CREB1: variants seen among roughly 807,000 people sequenced by gnomAD.
CREB1 encodes cyclic AMP-responsive element-binding protein 1.
CREB1 carries 2 observed loss-of-function variants against 42.0 expected under a neutral mutation model. That is an observed-to-expected ratio of 0.05 (90% CI 0.02 to 0.15). The LOEUF (loss-of-function observed/expected upper bound fraction) is 0.15, where lower values mean the gene tolerates loss of function less well. Ranked by LOEUF, CREB1 falls within the 10% of genes least tolerant of loss-of-function variation. CREB1 has a pLI of 1.00. For synonymous variants in CREB1, 123 were observed against 139.9 expected (o/e 0.88, Z 0.85); for missense variants, 199 against 388.9 (o/e 0.51, Z 4.11).
At chr2:207,531,668 C>T (rs931115457) in intron 1 of CREB1, among the ~76,000 whole-genome samples, 2 of 152,102 alleles carry the variant, frequency 1.3e-5, no homozygotes, top group African/African-American at 2.4e-5. Flanking sequence ...AGTAAAGCCC[C>T]GAACAGTTAT....
Position 207,605,511 on chromosome 2 carries a change from T to C in CREB1, c.*8453T>C, listed in dbSNP as rs1292496231. Among the ~76,000 whole-genome samples the C allele has an allele frequency of 6.6e-6, 1 of 152,180 alleles. No homozygotes were observed. Among genetic ancestry groups the C allele is most frequent in the African/African-American group, 2.4e-5 (1 of 41,410 alleles). On this transcript the variant is annotated 3_prime_UTR_variant, in exon 8 of 8. Coordinates refer to ENST00000353267, the MANE Select transcript of CREB1 (RefSeq NM_004379.5). ...TCATTGTTTTCAAACTTACTTTATGTAATATGTACACTTCTAAAAAAAAGA... is the reference window on the plus strand; with the variant it reads ...TCATTGTTTTCAAACTTACTTTATGCAATATGTACACTTCTAAAAAAAAGA...
intron 3 of CREB1, among the ~76,000 whole-genome samples, chr2:207,564,034 T>C (rs1574844829): frequency 6.6e-6 from 1 of 152,046 alleles, no homozygotes. Context: ...TTAAGAAATA[T>C]ATAAATTTTT....
chr2:207,567,763 A>AT (rs890064366), intron 4 of CREB1, 200 bp downstream of exon 4: 12,791 of 298,508 alleles, frequency 0.043, no homozygotes, highest in Middle Eastern at 0.062. Flanking sequence ...ACCAGTCCTA[A>AT]TTTTTTTTTT....
chr2:207,580,817 C>T, intron 7 of CREB1: 1 of 222,622 alleles, frequency 4.5e-6, no homozygotes, highest in Non-Finnish European at 9.0e-6. Flanking sequence ...CTGTGGCTCT[C>T]CTTCATGTGC....
chr2:207,555,616 ATAT>A lies in CREB1; in HGVS notation c.-8-5_-8-3del, dbSNP rs2081686619. 2 of 1,539,622 alleles carry A rather than the reference ATAT, an allele frequency of 1.3e-6. No homozygotes were observed. The highest frequency in any genetic ancestry group is 1.1e-5 in the South Asian group (1 of 88,784). On this transcript the variant is annotated splice_polypyrimidine_tract_variant and intron_variant, in intron 1 of 7. Coordinates refer to ENST00000353267, the MANE Select transcript of CREB1 (RefSeq NM_004379.5). Reference sequence around the variant, plus strand: ...ACTGTGGTGCTTGTAACACTCTTCCATATTATTATAGGTAACTAAATGACCATG... The same window carrying A: ...ACTGTGGTGCTTGTAACACTCTTCCATATTATAGGTAACTAAATGACCATG...
intron 3 of CREB1, among the ~76,000 whole-genome samples, chr2:207,564,149 T>C (rs1042103788): frequency 3.3e-5 from 5 of 152,154 alleles, no homozygotes; most frequent in Non-Finnish European, 5.9e-5. Context: ...TTTTTCTTAT[T>C]TATAAGAGAT....
intron 5 of CREB1, among the ~76,000 whole-genome samples, chr2:207,571,264 C>T (rs556874245): frequency 5.9e-5 from 9 of 152,068 alleles, no homozygotes; most frequent in Admixed American, 1.3e-4. Flanking sequence ...ATTCCCAGCA[C>T]TTTGGGAAGC....
At chr2:207,557,393 A>G (rs1003800296) in intron 2 of CREB1, among the ~76,000 whole-genome samples, 1 of 152,082 alleles carries the variant, frequency 6.6e-6, no homozygotes, top group African/African-American at 2.4e-5. Flanking sequence ...ATAAAAATTG[A>G]ATGTATGGGC....
intron 3 of CREB1, chr2:207,561,064 T>G: frequency 6.7e-7 from 1 of 1,492,886 alleles, no homozygotes; most frequent in Non-Finnish European, 9.3e-7. Context: ...GACTTGAACG[T>G]TCATTCAAGT....
At chr2:207,555,205 C>T (rs1175743906) in intron 1 of CREB1, among the ~76,000 whole-genome samples, 1 of 152,120 alleles carries the variant, frequency 6.6e-6, no homozygotes, top group Non-Finnish European at 1.5e-5. Context: ...ATTATGAAGC[C>T]AATATCTAAT....
chr2:207,581,125 G>T, intron 7 of CREB1: 2 of 212,642 alleles, frequency 9.4e-6, no homozygotes, highest in East Asian at 7.1e-5. Context: ...CAAAGGAAAA[G>T]GTTAAATGGA....
chr2:207,546,579 T>C (rs56132988), intron 1 of CREB1, among the ~76,000 whole-genome samples: 6,121 of 152,088 alleles, frequency 0.04, 164 homozygotes, highest in African/African-American at 0.07. Context: ...ATAAAAAAAT[T>C]AGCTGGCTGT....
rs1487169316 is a variant in CREB1 at position 207,604,466 on chromosome 2, A to G, written c.*7408A>G. 3.2e-5 allele frequency among the ~76,000 whole-genome samples: 4 copies of G among 125,810 alleles called. No homozygotes were observed. In the Admixed American group the frequency reaches 3.6e-4, roughly 11 times the overall value. 82.5% of individuals were successfully genotyped at this position (125,810 alleles called of 152,430 possible). On this transcript the variant is annotated 3_prime_UTR_variant, in exon 8 of 8. Coordinates refer to ENST00000353267, the MANE Select transcript of CREB1 (RefSeq NM_004379.5). ...TTAATCAGTGTTATCCTTCTTCTTA[A>G]CTGTGCGTCCTAATTTCTCCACATC...
intron 4 of CREB1, 124 bp from the exon 5 acceptor site, chr2:207,570,055 A>AG: frequency 1.5e-6 from 1 of 661,992 alleles, no homozygotes; most frequent in East Asian, 3.4e-5. Context: ...AAAAAAAAAA[A>AG]AAAAAAACCT....
At position 207,581,640 on chromosome 2, in the gene CREB1, G is replaced by A; in HGVS notation, c.839+3985G>A. 7.2e-6 allele frequency: 3 copies of A among 418,362 alleles called. No homozygotes were observed. The Admixed American group carries it at 1.2e-4, about 17-fold the overall frequency. 25.9% of individuals were successfully genotyped at this position (418,362 alleles called of 1,614,324 possible). On this transcript the variant is annotated intron_variant, in intron 7 of 7. Coordinates refer to ENST00000353267, the MANE Select transcript of CREB1 (RefSeq NM_004379.5). ...TAAGTAATTTTAAACTTACAAAGGA[G>A]TTTTAAAAATACAGAGTTCCGGATA...
At chr2:207,578,373 A>G (rs577826809) in intron 7 of CREB1, among the ~76,000 whole-genome samples, 4 of 152,196 alleles carry the variant, frequency 2.6e-5, no homozygotes, top group Non-Finnish European at 5.9e-5. Context: ...AAATGAAAAT[A>G]AGGTTATGTA....
At chr2:207,596,494 C>T (rs1023761484) in intron 7 of CREB1, among the ~76,000 whole-genome samples, 4 of 152,296 alleles carry the variant, frequency 2.6e-5, no homozygotes, top group African/African-American at 4.8e-5. Context: ...AGTGCAGTGG[C>T]GCAATCTCAG....
chr2:207,537,368 A>T (rs2106349791), intron 1 of CREB1, among the ~76,000 whole-genome samples: 1 of 152,102 alleles, frequency 6.6e-6, no homozygotes, highest in African/African-American at 2.4e-5. Context: ...ATATTTGGGG[A>T]TGGGGGTGGG....
intron 2 of CREB1, among the ~76,000 whole-genome samples, chr2:207,558,305 A>G (rs531343489): frequency 6.6e-6 from 1 of 152,290 alleles, no homozygotes; most frequent in Admixed American, 6.5e-5. Flanking sequence ...GAGTAGTTTC[A>G]TCATCTTCCA....
Sources: allele counts gnomAD v4.1 joint callset (sites outside exome capture counted in the v4.1 genomes callset), GRCh38; gene constraint gnomAD v4.1.1; transcripts MANE v1.5; gene names NCBI Gene and HGNC (gene_info 2026-07-23, HGNC 2026-07-21).